RSPH10B: variants seen among roughly 807,000 people sequenced by gnomAD.
RSPH10B encodes the protein radial spoke head 10 homolog B.
Under a neutral mutation model 52.5 loss-of-function variants are expected in RSPH10B, and 7 were observed. That is an observed-to-expected ratio of 0.13 (90% confidence interval 0.08 to 0.25). The LOEUF is 0.25. RSPH10B is among the 10% of genes least tolerant of loss of function. The pLI, the probability that RSPH10B is intolerant of heterozygous loss-of-function variation, is 1.00. For synonymous variants in RSPH10B, 28 were observed against 193.2 expected (o/e 0.14, Z 7.09); for missense variants, 89 against 542.5 (o/e 0.16, Z 8.30).
intron 18 of RSPH10B, among the ~76,000 whole-genome samples, chr7:5,926,986 C>G (rs1441960277): frequency 6.6e-6 from 1 of 150,986 alleles, no homozygotes; most frequent in Non-Finnish European, 1.5e-5. Flanking sequence ...AACTCCTGAC[C>G]TCAGGTGATC....
intron 13 of RSPH10B, among the ~76,000 whole-genome samples, chr7:5,939,595 C>CACACAA (rs1338364768): frequency 6.2e-5 from 4 of 64,168 alleles, no homozygotes; most frequent in African/African-American, 2.4e-4. Flanking sequence ...AACACACACA[C>CACACAA]ACACACACAC....
upstream of RSPH10B, chr7:5,970,498 C>A (rs1238547707): frequency 7.1e-6 from 1 of 140,504 alleles, no homozygotes; most frequent in Non-Finnish European, 1.6e-5. Context: ...CCTAGGCCCT[C>A]CTCGCCCATC....
At chr7:5,957,650 G>A (rs1181951830) in intron 6 of RSPH10B, among the ~76,000 whole-genome samples, 10 of 50,560 alleles carry the variant, frequency 2.0e-4, no homozygotes, top group South Asian at 9.1e-4. Context: ...CAATTAGCCC[G>A]GCCGTGGTGG....
intron 13 of RSPH10B, among the ~76,000 whole-genome samples, chr7:5,942,662 G>A (rs528496297): frequency 2.9e-4 from 43 of 147,328 alleles, no homozygotes; most frequent in African/African-American, 1.0e-3. Flanking sequence ...GGGAGGTCAA[G>A]ACCAGCCTGG....
At chr7:5,941,633 A>T (rs1780192767) in intron 13 of RSPH10B, among the ~76,000 whole-genome samples, 2 of 146,548 alleles carry the variant, frequency 1.4e-5, no homozygotes, top group African/African-American at 5.0e-5. Context: ...AGTCCCAGCT[A>T]CTCGGGAGGC....
rs1235615564 is a variant in RSPH10B, at chr7:5,944,836, G to A, written c.1529+228C>T. Among the ~76,000 whole-genome samples, 4 of 146,728 alleles carry A rather than the reference G, an allele frequency of 2.7e-5. No homozygotes were observed. The East Asian group carries it at 7.8e-4, about 29-fold the overall frequency. ...AAATTAGCCAGGCATGGTGGCACAT[G>A]CCTGTCATCTCAGCTACCCAGGAGC... On this transcript the variant is annotated intron_variant, in intron 11 of 18. Coordinates refer to ENST00000337579, the Ensembl canonical transcript of RSPH10B.
chr7:5,928,681 G>T (rs540598011), intron 17 of RSPH10B, among the ~76,000 whole-genome samples: 3 of 147,828 alleles, frequency 2.0e-5, no homozygotes, highest in African/African-American at 5.1e-5. Flanking sequence ...ACCCAGGCTG[G>T]AGTGCAGTGG....
Position 5,961,433 on chromosome 7 carries a change from A to G in RSPH10B, c.400-569T>C, listed in dbSNP as rs1165014239. Among the ~76,000 whole-genome samples the G allele has an allele frequency of 1.3e-4, 17 of 133,094 alleles. No homozygotes were observed. The South Asian group carries it at 2.1e-3, about 16-fold the overall frequency. 87.3% of individuals were successfully genotyped at this position (133,094 alleles called of 152,430 possible). A position where few individuals can be genotyped will look rare whatever the true frequency, so the allele number is the denominator to read the frequency against. On this transcript the variant is annotated intron_variant, in intron 3 of 18. Transcript: ENST00000337579. ...CGGCTCACTGCAACCTCTGCCTCCC[A>G]GGTTCAAGCAGTTCTCCTGCCTCAG...
chr7:5,931,224 G>A (rs1434304325), intron 17 of RSPH10B, among the ~76,000 whole-genome samples: 2 of 147,292 alleles, frequency 1.4e-5, no homozygotes, highest in Non-Finnish European at 3.0e-5. Context: ...GAGCCACCAT[G>A]CCCGGCCAAG....
Position 5,928,391 on chromosome 7 carries a change from TTCTC to T in RSPH10B, c.2234-1_2236del. The T allele has an allele frequency of 6.2e-7, 1 of 1,612,504 alleles. No individual in the cohort carries two copies. The highest frequency in any genetic ancestry group is 1.1e-5 in the South Asian group (1 of 91,074). ...TCGATCATCCTTGGGTCTCTCATAT[TTCTC>T]TGGAATAGAGTTTCATGAAGCTGAA... On this transcript the variant is annotated splice_acceptor_variant and coding_sequence_variant, in exon 18 of 19. Transcript: ENST00000337579. LOFTEE classifies it high-confidence loss of function.
At chr7:5,940,939 AATAATT>A (rs59034431) in intron 13 of RSPH10B, among the ~76,000 whole-genome samples, 9,526 of 48,032 alleles carry the variant, frequency 0.2, 1,020 homozygotes, top group East Asian at 0.58. Context: ...TAATAATAAT[AATAATT>A]ATTATTATTA....
Position 5,960,688 on chromosome 7 carries a change from C to T in RSPH10B, c.573+3G>A. 1 of 355,806 alleles carries T rather than the reference C, an allele frequency of 2.8e-6. No homozygotes were observed. The highest frequency in any genetic ancestry group is 2.9e-5 in the South Asian group (1 of 34,534). The allele number at this position is 355,806 out of a possible 1,614,324, so 22.0% of individuals were successfully genotyped here. On this transcript the variant is annotated splice_donor_region_variant and intron_variant, in intron 4 of 18. Transcript: ENST00000337579. ...CTGCCCTCCACGTGGCCACCTCGCC[C>T]ACCTTCCCGTGCCGCTTGCCATTGC...
chr7:5,957,434 G>A (rs1195176095), intron 6 of RSPH10B, among the ~76,000 whole-genome samples: 5 of 2,430 alleles, frequency 2.1e-3, no homozygotes, highest in African/African-American at 0.012. Flanking sequence ...GCTGCAGTGA[G>A]CTGAGATCCT....
At position 5,928,312 on chromosome 7, in the gene RSPH10B, C is replaced by T. The variant is rs147809377; in HGVS notation, c.2316G>A (p.Thr772=). ...CTTCACGTTTATACGCATGAAAGAG[C>T]GTGTTCACAAAGAAGACGTACATAT... Residue 772 remains threonine (T), a synonymous_variant, in exon 18 of 19, where the codon ACG becomes ACA. Coordinates refer to ENST00000337579, the Ensembl canonical transcript of RSPH10B. 396 of 1,613,236 alleles carry T rather than the reference C, an allele frequency of 2.5e-4. 4 individuals are homozygous for T. The highest frequency in any genetic ancestry group is 3.3e-4 in the Middle Eastern group (2 of 6,052).
At chr7:5,931,777 G>A (rs1459312949) in intron 17 of RSPH10B, among the ~76,000 whole-genome samples, 2 of 150,890 alleles carry the variant, frequency 1.3e-5, no homozygotes, top group Non-Finnish European at 3.0e-5. Flanking sequence ...GAGGCAGGCA[G>A]ATCACCTGAG....
chr7:5,942,824 T>C (rs34526759), intron 13 of RSPH10B, among the ~76,000 whole-genome samples: 28,383 of 145,670 alleles, frequency 0.19, 74 homozygotes, highest in East Asian at 0.3. Flanking sequence ...ATCACTTCAT[T>C]GCACTCCAGC....
rs1562553344 is a variant in RSPH10B, at chr7:5,927,073, TGTGTGTG to T, written c.2433-532_2433-526del. Among the ~76,000 whole-genome samples the T allele has an allele frequency of 4.0e-4, 42 of 106,158 alleles. No homozygotes were observed. The South Asian group carries it at 6.1e-3, about 15-fold the overall frequency. The allele number at this position is 106,158 out of a possible 152,430, so 69.6% of individuals were successfully genotyped here. A position where few individuals can be genotyped will look rare whatever the true frequency, so the allele number is the denominator to read the frequency against. ...TTATGTGTGTGTGTGTGTGTATATG[TGTGTGTG>T]TGTGTGTGTGTGTGTGTATTTTTTT... On this transcript the variant is annotated intron_variant, in intron 18 of 18. Coordinates refer to ENST00000337579, the Ensembl canonical transcript of RSPH10B.
intron 13 of RSPH10B, among the ~76,000 whole-genome samples, chr7:5,940,942 A>T (rs201826552): frequency 0.073 from 3,340 of 45,958 alleles, 314 homozygotes; most frequent in African/African-American, 0.12. Context: ...TAATAATAAT[A>T]ATTATTATTA....
chr7:5,958,644 A>AT (rs1287132281), intron 5 of RSPH10B, among the ~76,000 whole-genome samples: 1 of 126,466 alleles, frequency 7.9e-6, no homozygotes, highest in Non-Finnish European at 1.7e-5. Flanking sequence ...GGTTTTTAAA[A>AT]TTTTTTAATA....
Sources: gnomAD v4.1 joint callset for allele counts (sites outside exome capture counted in the v4.1 genomes callset) on GRCh38, gnomAD v4.1.1 for gene constraint, MANE v1.5 for transcripts, NCBI Gene and HGNC (gene_info 2026-07-23, HGNC 2026-07-21) for gene names.